VTI1A: variants seen among roughly 807,000 people sequenced by gnomAD.
VTI1A encodes vesicle transport through interaction with t-SNAREs homolog 1A.
A neutral mutation model predicts 34.9 loss-of-function variants in VTI1A; 22 were observed. The ratio of observed to expected loss-of-function variants is 0.63; its 90% CI spans 0.45 to 0.90. The LOEUF is 0.90. Among genes scored for constraint, VTI1A ranks in the 40% least tolerant of loss-of-function variants. The pLI is 0.00. For missense variants in VTI1A, 268 were observed against 275.6 expected (o/e 0.97, Z 0.20); for synonymous variants, 87 against 97.3 (o/e 0.89, Z 0.62).
At chr10:112,689,588 T>C (rs1256498067) in intron 7 of VTI1A, among the ~76,000 whole-genome samples, 1 of 152,146 alleles carries the variant, frequency 6.6e-6, no homozygotes, top group Non-Finnish European at 1.5e-5. Flanking sequence ...TCACCGTTCT[T>C]CCTGAGCCCA....
chr10:112,721,869 C>G (rs993617606), intron 7 of VTI1A, among the ~76,000 whole-genome samples: 8 of 152,164 alleles, frequency 5.3e-5, no homozygotes, highest in African/African-American at 1.9e-4. Flanking sequence ...TTGAACTGTT[C>G]AAACTAGGGC....
chr10:112,797,323 G>A (rs1852707260), intron 7 of VTI1A, among the ~76,000 whole-genome samples: 1 of 152,148 alleles, frequency 6.6e-6, no homozygotes, highest in African/African-American at 2.4e-5. Context: ...TCGAGGAAGG[G>A]CCGTGACCGT....
At chr10:112,538,932 G>A (rs1189552567) in intron 5 of VTI1A, among the ~76,000 whole-genome samples, 1 of 152,084 alleles carries the variant, frequency 6.6e-6, no homozygotes, top group African/African-American at 2.4e-5. Context: ...CAAACTTTTG[G>A]TTTGAATTAA....
chr10:112,597,611 A>T (rs969171943), intron 5 of VTI1A, among the ~76,000 whole-genome samples: 5 of 86,964 alleles, frequency 5.7e-5, no homozygotes, highest in Non-Finnish European at 1.3e-4. Flanking sequence ...CGAGCCCAAG[A>T]GTTTGAGGCT....
At chr10:112,481,382 C>T (rs1247239886) in intron 3 of VTI1A, among the ~76,000 whole-genome samples, 1 of 152,104 alleles carries the variant, frequency 6.6e-6, no homozygotes, top group Non-Finnish European at 1.5e-5. Context: ...AAAACAAATC[C>T]TCAGTCTTTG....
At chr10:112,520,124 A>G (rs1038910659) in intron 3 of VTI1A, among the ~76,000 whole-genome samples, 2 of 152,084 alleles carry the variant, frequency 1.3e-5, no homozygotes, top group African/African-American at 4.8e-5. Flanking sequence ...GATTATTTCA[A>G]GTAGAGTCTA....
chr10:112,574,966 C>T (rs1852277248), intron 5 of VTI1A, among the ~76,000 whole-genome samples: 2 of 152,164 alleles, frequency 1.3e-5, no homozygotes, highest in Admixed American at 1.3e-4. Flanking sequence ...TGAACTCAAC[C>T]ATTTCATTTT....
Position 112,813,139 on chromosome 10 carries a change from G to A in VTI1A, c.561-2151G>A, listed in dbSNP as rs181499062. On this transcript the variant is annotated intron_variant, in intron 7 of 7. Coordinates refer to ENST00000393077, the MANE Select transcript of VTI1A (RefSeq NM_145206.4). ...GGCCCTTGGAAGCAACAGAGCGGGC[G>A]GTGGAGGGGAAGCCACCAGGCCCTG... Among the ~76,000 whole-genome samples the A allele has an allele frequency of 1.1e-4, 16 of 152,298 alleles. No homozygotes were observed. The East Asian group carries it at 2.1e-3, about 20-fold the overall frequency.
intron 5 of VTI1A, among the ~76,000 whole-genome samples, chr10:112,641,837 A>G (rs1646229282): frequency 6.6e-6 from 1 of 152,152 alleles, no homozygotes; most frequent in South Asian, 2.1e-4. Context: ...TCAAGTTTCC[A>G]GTCCACAGCC....
intron 7 of VTI1A, among the ~76,000 whole-genome samples, chr10:112,691,262 AAAAT>A (rs67534865): frequency 0.18 from 25,825 of 140,102 alleles, 2,429 homozygotes; most frequent in East Asian, 0.36. Context: ...CTCTGCCTCA[AAAAT>A]AAATAAATAA....
At chr10:112,683,680 C>T (rs1848299246) in intron 7 of VTI1A, among the ~76,000 whole-genome samples, 1 of 152,112 alleles carries the variant, frequency 6.6e-6, no homozygotes, top group African/African-American at 2.4e-5. Context: ...AAAGTTTCCA[C>T]ATAGCCTTTG....
At chr10:112,450,152 A>C (rs1377268578) in intron 1 of VTI1A, 1 of 151,968 alleles carries the variant, frequency 6.6e-6, no homozygotes, top group Non-Finnish European at 1.5e-5. Context: ...TGGGCCTCCC[A>C]AAGTGCTGGG....
At chr10:112,682,144 T>C (rs1490491244) in intron 7 of VTI1A, among the ~76,000 whole-genome samples, 2 of 152,198 alleles carry the variant, frequency 1.3e-5, no homozygotes, top group South Asian at 2.1e-4. Flanking sequence ...ATTTATTCAC[T>C]GGGGTTTTTA....
chr10:112,629,286 C>G (rs553341018), intron 5 of VTI1A, among the ~76,000 whole-genome samples: 22 of 142,040 alleles, frequency 1.5e-4, no homozygotes, highest in South Asian at 1.1e-3. Flanking sequence ...GTTCTTCTAT[C>G]CTACTCTTCC....
the VTI1A span, among the ~76,000 whole-genome samples, chr10:112,830,370 T>G: frequency 6.6e-6 from 1 of 151,278 alleles, no homozygotes; most frequent in Non-Finnish European, 1.5e-5. Flanking sequence ...CTCCAAGCTC[T>G]TTCTCCCCTC....
rs1189757610 is a variant in VTI1A, at chr10:112,700,394, C to A, written c.560+31396C>A. ...GCTTATTGAAAAGCAAAGATACTTA[C>A]AAATGAAAAATAACTCCAATCTATT... On this transcript the variant is annotated intron_variant, in intron 7 of 7. Coordinates refer to ENST00000393077, the MANE Select transcript of VTI1A (RefSeq NM_145206.4). 3.3e-5 allele frequency among the ~76,000 whole-genome samples: 5 copies of A among 152,156 alleles called. No homozygotes were observed. The East Asian group carries it at 9.6e-4, about 29-fold the overall frequency.
At chr10:112,583,355 A>G (rs1402533325) in intron 5 of VTI1A, among the ~76,000 whole-genome samples, 1 of 152,080 alleles carries the variant, frequency 6.6e-6, no homozygotes, top group South Asian at 2.1e-4. Flanking sequence ...TCTGAAGGCC[A>G]TTTCTCTGTT....
chr10:112,610,283 A>G (rs1446821095), intron 5 of VTI1A, among the ~76,000 whole-genome samples: 4 of 152,098 alleles, frequency 2.6e-5, no homozygotes, highest in East Asian at 3.9e-4. Flanking sequence ...AAGAGCTTCA[A>G]AGAAGCCAAT....
chr10:112,658,784 C>T (rs1043670942), intron 5 of VTI1A, among the ~76,000 whole-genome samples: 5 of 152,158 alleles, frequency 3.3e-5, no homozygotes, highest in African/African-American at 1.2e-4. Context: ...AATGGGGACT[C>T]ACTGTTGCCA....
Sources: allele counts gnomAD v4.1 joint callset (sites outside exome capture counted in the v4.1 genomes callset), GRCh38; gene constraint gnomAD v4.1.1; transcripts MANE v1.5; gene names NCBI Gene and HGNC (gene_info 2026-07-23, HGNC 2026-07-21).